The following CDK14 variants were observed in gnomAD, a reference collection of about 807,000 sequenced individuals.
The protein encoded by CDK14 is cyclin-dependent kinase 14.
CDK14 carries 34 observed loss-of-function variants against 60.7 expected under a neutral mutation model. The ratio of observed to expected loss-of-function variants is 0.56; its 90% CI spans 0.43 to 0.75. The LOEUF (loss-of-function observed/expected upper bound fraction) is 0.75. Ranked by LOEUF, CDK14 falls within the 30% of genes least tolerant of loss-of-function variation. The pLI, the probability that CDK14 is intolerant of heterozygous loss-of-function variation, is 0.00. For missense variants in CDK14, 482 were observed against 564.1 expected (o/e 0.85, Z 1.47); for synonymous variants, 197 against 203.7 (o/e 0.97, Z 0.28).
At chr7:90,796,323 G>T (rs924757349) in intron 5 of CDK14, among the ~76,000 whole-genome samples, 1 of 152,130 alleles carries the variant, frequency 6.6e-6, no homozygotes, top group African/African-American at 2.4e-5. Context: ...TTGCAGATTT[G>T]AAATTATGGG....
chr7:91,180,707 C>A (rs892859445), intron 14 of CDK14, among the ~76,000 whole-genome samples: 4 of 151,970 alleles, frequency 2.6e-5, no homozygotes, highest in African/African-American at 7.3e-5. Context: ...GGAGAAGAAC[C>A]CATGCCAGGG....
chr7:90,852,123 C>A (rs1790665112), intron 5 of CDK14, among the ~76,000 whole-genome samples: 1 of 152,140 alleles, frequency 6.6e-6, no homozygotes, highest in South Asian at 2.1e-4. Flanking sequence ...CCCTGAACTC[C>A]TAAGCTCAAG....
intron 12 of CDK14, among the ~76,000 whole-genome samples, chr7:91,091,511 A>ATGTATATATG (rs1284058805): frequency 7.2e-6 from 1 of 139,506 alleles, no homozygotes; most frequent in African/African-American, 2.8e-5. Flanking sequence ...TTATATATAT[A>ATGTATATATG]TATATAAATT....
chr7:91,166,589 A>G (rs987960437), intron 14 of CDK14, among the ~76,000 whole-genome samples: 29 of 152,236 alleles, frequency 1.9e-4, no homozygotes, highest in Non-Finnish European at 1.3e-4. Context: ...AAGGGATCAT[A>G]ATGCAGAGCC....
In CDK14 at chr7:90,608,404, AGTGTATGTGTAT is replaced by A. The variant is rs918091615; in HGVS notation, c.123+4165_123+4176del. 4.2e-5 allele frequency: 8 copies of A among 188,460 alleles called. No individual in the cohort carries two copies. In the South Asian group the frequency reaches 1.3e-3, roughly 30 times the overall value. 11.7% of individuals were successfully genotyped at this position (188,460 alleles called of 1,614,324 possible). ...ACTTTGGAGACAAAAGCTCTAATTA[AGTGTATGTGTAT>A]GTGTATGTGGAAATAGTTGGAAATG... On this transcript the variant is annotated intron_variant, in intron 2 of 14. Coordinates refer to ENST00000380050, the MANE Select transcript of CDK14 (RefSeq NM_001287135.2).
At chr7:91,103,478 CTAGTTT>C (rs1419097894) in intron 12 of CDK14, among the ~76,000 whole-genome samples, 2 of 152,118 alleles carry the variant, frequency 1.3e-5, no homozygotes, top group Non-Finnish European at 2.9e-5. Flanking sequence ...TGAAAAAGCG[CTAGTTT>C]CAAGGTTGAG....
chr7:90,919,925 A>T (rs566524068), intron 8 of CDK14, among the ~76,000 whole-genome samples: 45 of 152,256 alleles, frequency 3.0e-4, no homozygotes, highest in Non-Finnish European at 6.0e-4. Flanking sequence ...GCTGTGCAGA[A>T]GGATCGTGCC....
chr7:90,870,129 T>C (rs1584067317), intron 6 of CDK14, among the ~76,000 whole-genome samples: 1 of 152,150 alleles, frequency 6.6e-6, no homozygotes, highest in African/African-American at 2.4e-5. Context: ...CAGAAAGAAA[T>C]TGTGATACAT....
intron 14 of CDK14, among the ~76,000 whole-genome samples, chr7:91,132,705 A>G (rs1800153992): frequency 6.6e-6 from 1 of 152,070 alleles, no homozygotes; most frequent in South Asian, 2.1e-4. Flanking sequence ...TTTTACCAAC[A>G]CTTACTCTTC....
chr7:91,183,145 C>T (rs1461599884), intron 14 of CDK14, among the ~76,000 whole-genome samples: 3 of 152,234 alleles, frequency 2.0e-5, no homozygotes, highest in Admixed American at 2.0e-4. Flanking sequence ...CAGATTGTTT[C>T]CATTAATTTT....
chr7:91,182,260 A>C (rs79155988), intron 14 of CDK14, among the ~76,000 whole-genome samples: 8,803 of 152,080 alleles, frequency 0.058, 389 homozygotes, highest in Admixed American at 0.14. Flanking sequence ...GGGTATTCCA[A>C]TGAGAAATAT....
intron 2 of CDK14, among the ~76,000 whole-genome samples, chr7:90,621,377 A>G (rs530536177): frequency 6.6e-6 from 1 of 152,300 alleles, no homozygotes; most frequent in African/African-American, 2.4e-5. Context: ...TAGACATCAC[A>G]GTCTTGGGAC....
intron 4 of CDK14, among the ~76,000 whole-genome samples, chr7:90,785,855 TA>T (rs1805559834): frequency 6.6e-6 from 1 of 151,982 alleles, no homozygotes; most frequent in Non-Finnish European, 1.5e-5. Context: ...ATTTTATATT[TA>T]CAAATTTAGG....
intron 2 of CDK14, among the ~76,000 whole-genome samples, chr7:90,698,981 T>C (rs920666622): frequency 6.6e-6 from 1 of 152,248 alleles, no homozygotes; most frequent in African/African-American, 2.4e-5. Flanking sequence ...AACTTTTTCA[T>C]TAAAACTTTT....
At chr7:90,622,109 A>C (rs532312761) in intron 2 of CDK14, among the ~76,000 whole-genome samples, 2 of 152,372 alleles carry the variant, frequency 1.3e-5, no homozygotes, top group South Asian at 4.1e-4. Context: ...TGAGAAACGA[A>C]GTACAATGGA....
At chr7:90,915,314 C>A (rs916226315) in intron 7 of CDK14, among the ~76,000 whole-genome samples, 2 of 152,116 alleles carry the variant, frequency 1.3e-5, no homozygotes, top group Non-Finnish European at 1.5e-5. Flanking sequence ...TGGTGGGTGC[C>A]TGTAGTCCCT....
At chr7:90,719,236 C>G (rs373750999) in intron 2 of CDK14, among the ~76,000 whole-genome samples, 1 of 152,154 alleles carries the variant, frequency 6.6e-6, no homozygotes, top group Non-Finnish European at 1.5e-5. Context: ...ACGCATGATA[C>G]ATATTTGCTG....
chr7:90,865,773 T>C (rs1158715279), intron 6 of CDK14, among the ~76,000 whole-genome samples: 3 of 152,162 alleles, frequency 2.0e-5, no homozygotes, highest in Non-Finnish European at 2.9e-5. Flanking sequence ...TTACATTCAT[T>C]GTCACTTTTG....
chr7:90,636,885 T>G (rs1000829519), intron 2 of CDK14, among the ~76,000 whole-genome samples: 8 of 151,788 alleles, frequency 5.3e-5, no homozygotes, highest in East Asian at 1.9e-4. Context: ...GTCGAGGAAT[T>G]TATCCATTTC....
Sources: allele counts gnomAD v4.1 joint callset (sites outside exome capture counted in the v4.1 genomes callset), GRCh38; gene constraint gnomAD v4.1.1; transcripts MANE v1.5; gene names NCBI Gene and HGNC (gene_info 2026-07-23, HGNC 2026-07-21).